The following LMBRD2 variants were observed in gnomAD, a reference collection of about 807,000 sequenced individuals.
LMBRD2 encodes G protein-coupled receptor-associated protein LMBRD2.
Under a neutral mutation model 94.4 loss-of-function variants are expected in LMBRD2, and 55 were observed. That is an observed-to-expected ratio of 0.58 (90% CI 0.47 to 0.73). The LOEUF (loss-of-function observed/expected upper bound fraction) is 0.73, where lower values mean the gene tolerates loss of function less well. LMBRD2 is among the 30% of genes least tolerant of loss of function. The probability of loss-of-function intolerance (pLI) is 0.00; values close to 1 mark genes in which losing one functional copy is unlikely to be tolerated. For missense variants in LMBRD2, 640 were observed against 831.9 expected (o/e 0.77, Z 2.84); for synonymous variants, 246 against 272.4 (o/e 0.90, Z 0.95).
chr5:36,115,715 T>TAC (rs142065535), intron 11 of LMBRD2, among the ~76,000 whole-genome samples: 9,875 of 149,966 alleles, frequency 0.066, 953 homozygotes, highest in African/African-American at 0.21. Context: ...TACAGGAATC[T>TAC]ACACACACAC....
chr5:36,137,487 T>C (rs759940275), intron 4 of LMBRD2, 46 bp from the exon 5 acceptor site: 3 of 1,296,768 alleles, frequency 2.3e-6, no homozygotes, highest in Non-Finnish European at 3.2e-6. Context: ...ATAATTGATA[T>C]GTCTGTATAA....
chr5:36,131,649 A>C (rs1471415969), intron 6 of LMBRD2, among the ~76,000 whole-genome samples: 1 of 152,152 alleles, frequency 6.6e-6, no homozygotes, highest in East Asian at 1.9e-4. Context: ...CAGTACACAA[A>C]ATCAACATTC....
intron 6 of LMBRD2, among the ~76,000 whole-genome samples, chr5:36,130,482 A>G (rs912344170): frequency 6.6e-6 from 1 of 152,160 alleles, no homozygotes; most frequent in African/African-American, 2.4e-5. Context: ...AGAGAAAATC[A>G]CCTTCACAAA....
chr5:36,120,249 C>T (rs1743858332), intron 9 of LMBRD2, among the ~76,000 whole-genome samples: 1 of 151,954 alleles, frequency 6.6e-6, no homozygotes, highest in Admixed American at 6.6e-5. Flanking sequence ...CAACCTCCAC[C>T]TCCTGGGTTC....
At chr5:36,131,434 G>A (rs563993329) in intron 6 of LMBRD2, among the ~76,000 whole-genome samples, 1 of 152,176 alleles carries the variant, frequency 6.6e-6, no homozygotes, top group African/African-American at 2.4e-5. Flanking sequence ...ACAAGACAAG[G>A]ATGCCCACTT....
At chr5:36,121,522 G>A (rs1743886603) in intron 9 of LMBRD2, among the ~76,000 whole-genome samples, 1 of 152,078 alleles carries the variant, frequency 6.6e-6, no homozygotes, top group Non-Finnish European at 1.5e-5. Context: ...GCAAAAAGGA[G>A]AAAAATGATA....
intron 9 of LMBRD2, 146 bp from the exon 10 acceptor site, chr5:36,118,062 C>G: frequency 3.2e-6 from 2 of 628,438 alleles, no homozygotes; most frequent in East Asian, 5.7e-5. Flanking sequence ...CAGATACGAA[C>G]CTAACCAAAT....
At chr5:36,107,572 G>A (rs1204192543) in intron 16 of LMBRD2, among the ~76,000 whole-genome samples, 1 of 152,174 alleles carries the variant, frequency 6.6e-6, no homozygotes, top group African/African-American at 2.4e-5. Flanking sequence ...GGATTTGGTT[G>A]TTGCTTTAGT....
chr5:36,106,019 A>C lies in LMBRD2; in HGVS notation c.1898-822T>G, dbSNP rs537643618. 1.1e-3 allele frequency among the ~76,000 whole-genome samples: 162 copies of C among 152,206 alleles called. 1 individual carries two copies. The highest frequency in any genetic ancestry group is 3.7e-3 in the African/African-American group (154 of 41,554). On this transcript the variant is annotated intron_variant, in intron 16 of 17. Transcript: ENST00000296603. ...TTTTGTAAGCTTGGACTCTGTCCCA[A>C]ATGCAAATCTCTTCATCTTTTCTCT...
chr5:36,112,555 A>C (rs1031025981), intron 13 of LMBRD2, among the ~76,000 whole-genome samples: 1 of 152,176 alleles, frequency 6.6e-6, no homozygotes, highest in East Asian at 1.9e-4. Flanking sequence ...CAGAAGATCT[A>C]TTTTGTGAGT....
At chr5:36,106,511 T>TC (rs1220722575) in intron 16 of LMBRD2, among the ~76,000 whole-genome samples, 6 of 143,950 alleles carry the variant, frequency 4.2e-5, no homozygotes, top group Non-Finnish European at 7.7e-5. Flanking sequence ...TTTCTTTCGT[T>TC]TTTTTTTTTT....
At chr5:36,117,054 G>A (rs1041337581) in intron 10 of LMBRD2, among the ~76,000 whole-genome samples, 5 of 151,772 alleles carry the variant, frequency 3.3e-5, no homozygotes, top group Admixed American at 2.6e-4. Flanking sequence ...CACCCACTAA[G>A]ATTATGAAAA....
chr5:36,133,195 T>C (rs564283937), intron 6 of LMBRD2, among the ~76,000 whole-genome samples: 2 of 152,184 alleles, frequency 1.3e-5, no homozygotes, highest in East Asian at 3.9e-4. Context: ...GTGGTACATA[T>C]ACACAACAGA....
rs1275247767 is a variant in LMBRD2, at chr5:36,103,937, C to T, written c.*109G>A. 4.2e-6 allele frequency: 3 copies of T among 711,770 alleles called. No homozygotes were observed. The Admixed American group carries it at 7.6e-5, about 18-fold the overall frequency. The allele number at this position is 711,770 out of a possible 1,614,324, so 44.1% of individuals were successfully genotyped here. On this transcript the variant is annotated 3_prime_UTR_variant, in exon 18 of 18. Transcript: ENST00000296603. The stretch of plus-strand genomic sequence containing the variant: ...TAATTCTCAGTGCCTTTTTTGTTAT[C>T]TTGACACTTTTCACTGTGTATAGAG...
At chr5:36,111,834 AC>A (rs1743614558) in intron 13 of LMBRD2, among the ~76,000 whole-genome samples, 1 of 152,114 alleles carries the variant, frequency 6.6e-6, no homozygotes, top group Non-Finnish European at 1.5e-5. Context: ...TTTAATTTTA[AC>A]TATCACTCTA....
intron 9 of LMBRD2, among the ~76,000 whole-genome samples, chr5:36,122,060 AT>A (rs947913127): frequency 3.3e-5 from 5 of 152,178 alleles, no homozygotes; most frequent in African/African-American, 1.2e-4. Flanking sequence ...TTTTAATAGA[AT>A]TTTTATTATT....
Position 36,142,493 on chromosome 5 carries a change from A to G in LMBRD2, c.272+9T>C, listed in dbSNP as rs558092365. 1.3e-6 allele frequency: 2 copies of G among 1,518,534 alleles called. No individual in the cohort carries two copies. The highest frequency in any genetic ancestry group is 1.4e-5 in the African/African-American group (1 of 73,318). The allele number at this position is 1,518,534 out of a possible 1,614,324, so 94.1% of individuals were successfully genotyped here. On this transcript the variant is annotated intron_variant, in intron 3 of 17. Transcript: ENST00000296603. ...AATGTTTATATATTTTTTTTAAAAA[A>G]GGAAATACCTTGGAACAGGGTTAGC...
At chr5:36,139,469 C>T (rs1388316959) in intron 4 of LMBRD2, among the ~76,000 whole-genome samples, 2 of 152,174 alleles carry the variant, frequency 1.3e-5, no homozygotes, top group Non-Finnish European at 1.5e-5. Flanking sequence ...CCGGTGAAGC[C>T]CCACCTTCAA....
chr5:36,121,850 T>A (rs146609389), intron 9 of LMBRD2, among the ~76,000 whole-genome samples: 25 of 152,318 alleles, frequency 1.6e-4, no homozygotes, highest in African/African-American at 5.1e-4. Context: ...ACATGCTGTA[T>A]AGGTTTGTAG....
Sources: gnomAD v4.1 joint callset for allele counts (sites outside exome capture counted in the v4.1 genomes callset) on GRCh38, gnomAD v4.1.1 for gene constraint, MANE v1.5 for transcripts, NCBI Gene and HGNC (gene_info 2026-07-23, HGNC 2026-07-21) for gene names.